PTPRD: variants seen among roughly 807,000 people sequenced by gnomAD.
PTPRD encodes protein tyrosine phosphatase receptor type D, also known as receptor-type tyrosine-protein phosphatase delta.
In PTPRD, 34 loss-of-function variants were observed where a neutral mutation model predicts 214.5. The observed-to-expected ratio is 0.16, with a 90% CI of 0.12 to 0.21. The LOEUF is 0.21. Among genes scored for constraint, PTPRD ranks in the 10% least tolerant of loss-of-function variants. The pLI, the probability that PTPRD is intolerant of heterozygous loss-of-function variation, is 1.00. For synonymous variants in PTPRD, 1,128 were observed against 845.7 expected (o/e 1.33, Z -5.79); for missense variants, 2,545 against 2,398.7 (o/e 1.06, Z -1.27).
chr9:10,222,701 A>G (rs1346413028), intron 3 of PTPRD, among the ~76,000 whole-genome samples: 2 of 152,080 alleles, frequency 1.3e-5, no homozygotes, highest in African/African-American at 2.4e-5. Context: ...AAATACAGAC[A>G]TGAGTTTAAA....
intron 2 of PTPRD, among the ~76,000 whole-genome samples, chr9:10,404,112 C>G (rs2098322846): frequency 6.6e-6 from 1 of 151,680 alleles, no homozygotes; most frequent in Non-Finnish European, 1.5e-5. Flanking sequence ...GCAAACTGTA[C>G]TTTCCGTTCA....
chr9:9,203,283 C>T (rs2099942948), intron 9 of PTPRD, among the ~76,000 whole-genome samples: 1 of 151,894 alleles, frequency 6.6e-6, no homozygotes, highest in African/African-American at 2.4e-5. Flanking sequence ...ACTTTTCCCC[C>T]TTTTATCTGA....
intron 6 of PTPRD, among the ~76,000 whole-genome samples, chr9:9,764,169 C>G (rs1385550651): frequency 6.6e-6 from 1 of 152,098 alleles, no homozygotes; most frequent in Non-Finnish European, 1.5e-5. Flanking sequence ...TGCCATATGA[C>G]ACATAATTAT....
intron 5 of PTPRD, among the ~76,000 whole-genome samples, chr9:9,837,409 C>T (rs2057083655): frequency 6.6e-6 from 1 of 152,068 alleles, no homozygotes. Flanking sequence ...GCATTTTAGT[C>T]AATAACCAAA....
At chr9:8,973,375 T>G (rs925913824) in intron 11 of PTPRD, among the ~76,000 whole-genome samples, 3 of 152,094 alleles carry the variant, frequency 2.0e-5, no homozygotes, top group South Asian at 4.1e-4. Context: ...TTTAACCATG[T>G]TGCTGCAAAG....
intron 9 of PTPRD, among the ~76,000 whole-genome samples, chr9:9,389,986 T>C (rs1569567915): frequency 6.6e-6 from 1 of 152,074 alleles, no homozygotes; most frequent in Non-Finnish European, 1.5e-5. Flanking sequence ...ATTAAGAGCA[T>C]TAAGTGGGAT....
intron 30 of PTPRD, among the ~76,000 whole-genome samples, chr9:8,476,516 A>C (rs541764308): frequency 6.6e-6 from 1 of 151,810 alleles, no homozygotes; most frequent in South Asian, 2.1e-4. Flanking sequence ...ACTTTCTGTC[A>C]CTCCCACCTA....
chr9:9,616,085 G>A (rs948820122), intron 7 of PTPRD, among the ~76,000 whole-genome samples: 1 of 152,134 alleles, frequency 6.6e-6, no homozygotes, highest in East Asian at 1.9e-4. Context: ...TTTACCTTCT[G>A]AGCTTTCCTG....
chr9:9,600,613 G>C (rs2093675748), intron 7 of PTPRD, among the ~76,000 whole-genome samples: 1 of 152,070 alleles, frequency 6.6e-6, no homozygotes, highest in Non-Finnish European at 1.5e-5. Context: ...TGACAACCAA[G>C]AGGCCCTCCC....
At chr9:9,555,196 A>T (rs553071008) in intron 8 of PTPRD, among the ~76,000 whole-genome samples, 30 of 152,044 alleles carry the variant, frequency 2.0e-4, no homozygotes, top group Non-Finnish European at 3.1e-4. Flanking sequence ...ATAATATTTG[A>T]CGTATGATAT....
intron 31 of PTPRD, among the ~76,000 whole-genome samples, chr9:8,469,448 AT>A (rs1249911429): frequency 6.6e-6 from 1 of 152,004 alleles, no homozygotes; most frequent in Admixed American, 6.6e-5. Context: ...TTTAAATTCC[AT>A]TTCAACTTAA....
intron 4 of PTPRD, among the ~76,000 whole-genome samples, chr9:10,004,043 T>G (rs2096404196): frequency 6.6e-6 from 1 of 151,888 alleles, no homozygotes; most frequent in South Asian, 2.1e-4. Flanking sequence ...CTAACAGTCT[T>G]CAAAAAATAA....
At chr9:9,604,507 C>T (rs1416507688) in intron 7 of PTPRD, among the ~76,000 whole-genome samples, 1 of 151,940 alleles carries the variant, frequency 6.6e-6, no homozygotes, top group Admixed American at 6.6e-5. Context: ...TAAAGGTGTT[C>T]TAACTTTTAG....
At chr9:10,272,556 C>T (rs945617262) in intron 3 of PTPRD, among the ~76,000 whole-genome samples, 1 of 152,094 alleles carries the variant, frequency 6.6e-6, no homozygotes. Flanking sequence ...AATTTTCATT[C>T]CCTTAATAGC....
intron 2 of PTPRD, among the ~76,000 whole-genome samples, chr9:10,591,917 C>A (rs912251285): frequency 2.6e-5 from 4 of 152,220 alleles, no homozygotes; most frequent in African/African-American, 9.6e-5. Flanking sequence ...GACGTGGCTA[C>A]AGACCCTAAC....
chr9:10,585,613 C>G (rs929690154), intron 2 of PTPRD, among the ~76,000 whole-genome samples: 1 of 151,888 alleles, frequency 6.6e-6, no homozygotes, highest in Non-Finnish European at 1.5e-5. Context: ...ATGTTTTATA[C>G]GTTGCTTTTT....
At chr9:9,796,870 T>G (rs1034032801) in intron 5 of PTPRD, among the ~76,000 whole-genome samples, 1 of 152,162 alleles carries the variant, frequency 6.6e-6, no homozygotes, top group African/African-American at 2.4e-5. Flanking sequence ...CATATACAAC[T>G]TGATGAGTTT....
At position 9,546,722 on chromosome 9, in the gene PTPRD, T is replaced by C. The variant is rs546734818; in HGVS notation, c.-237+28010A>G. On this transcript the variant is annotated intron_variant, in intron 8 of 45. Coordinates refer to ENST00000381196, the MANE Select transcript of PTPRD (RefSeq NM_002839.4). ...ACTAACTTATTGAATGTTTATAATA[T>C]GTTCCACTAAGTACTAAATATTGTG... 8.2e-4 allele frequency among the ~76,000 whole-genome samples: 125 copies of C among 152,046 alleles called. 4 individuals carry two copies. The South Asian group carries it at 0.025, about 31-fold the overall frequency.
chr9:10,430,833 C>G (rs946874875), intron 2 of PTPRD, among the ~76,000 whole-genome samples: 1 of 151,812 alleles, frequency 6.6e-6, no homozygotes, highest in Admixed American at 6.6e-5. Context: ...CCATCATACC[C>G]CTTTTTTATC....
Sources: allele counts gnomAD v4.1 joint callset (sites outside exome capture counted in the v4.1 genomes callset), GRCh38; gene constraint gnomAD v4.1.1; transcripts MANE v1.5; gene names NCBI Gene and HGNC (gene_info 2026-07-23, HGNC 2026-07-21).